The following WDR49 variants were observed in gnomAD, a reference collection of about 807,000 sequenced individuals.
The protein encoded by WDR49 is WD repeat domain 49.
In WDR49, 107 loss-of-function variants were observed where a neutral mutation model predicts 119.5. The observed-to-expected ratio is 0.90, with a 90% CI of 0.77 to 1.05. WDR49 has a LOEUF of 1.05. WDR49 is among the 50% of genes least tolerant of loss of function. The pLI is 0.00. For synonymous variants in WDR49, 425 were observed against 418.8 expected (o/e 1.01, Z -0.18); for missense variants, 1,240 against 1,220.5 (o/e 1.02, Z -0.24).
intron 3 of WDR49, 26 bp downstream of exon 3, chr3:167,626,826 T>G (rs1403181424): frequency 3.2e-5 from 39 of 1,233,354 alleles, no homozygotes; most frequent in Non-Finnish European, 3.7e-5. Context: ...TTACAAGCAG[T>G]ACATTTTTTT....
At chr3:167,605,486 A>G (rs538049334) in intron 5 of WDR49, among the ~76,000 whole-genome samples, 13 of 152,272 alleles carry the variant, frequency 8.5e-5, no homozygotes, top group African/African-American at 3.1e-4. Context: ...AAAGATAATA[A>G]GAAAAAAAAC....
At chr3:167,584,759 T>A (rs1714720402) in intron 7 of WDR49, among the ~76,000 whole-genome samples, 1 of 152,022 alleles carries the variant, frequency 6.6e-6, no homozygotes, top group Non-Finnish European at 1.5e-5. Context: ...ACCATAAAGT[T>A]AAATGCAAAA....
rs541075470 is a variant in WDR49, at chr3:167,648,920, G to T, written c.165+4341C>A. On this transcript the variant is annotated intron_variant, in intron 2 of 18. Transcript: ENST00000682715. ...AGATATTATATATTTTACACAGTTTGCATACACTATAAAAAATATTTTCTA... is the reference window on the plus strand; with the variant it reads ...AGATATTATATATTTTACACAGTTTTCATACACTATAAAAAATATTTTCTA... Among the ~76,000 whole-genome samples the T allele has an allele frequency of 3.3e-5, 5 of 152,234 alleles. No homozygotes were observed. In the East Asian group the frequency reaches 9.6e-4, roughly 29 times the overall value.
In WDR49 at chr3:167,536,942, A is replaced by G. The variant is rs778659484; in HGVS notation, c.1882T>C (p.Trp628Arg). The G allele has an allele frequency of 2.5e-5, 40 of 1,592,270 alleles. No individual in the cohort carries two copies. Among genetic ancestry groups the G allele is most frequent in the Non-Finnish European group, 3.0e-5 (35 of 1,170,012 alleles). The change falls in exon 11 of 19, where the codon TGG (tryptophan) becomes CGG (arginine). Residue 628 changes from tryptophan to arginine, a missense_variant. Coordinates refer to ENST00000682715, the MANE Select transcript of WDR49 (RefSeq NM_001366157.1). ...FNQFFIQPEE[W>R]KGGIQHHDDI... ...TCATGGTGCTGTATACCTCCTTTCC[A>G]TTCTTCAGGCTGGATGAAAAATTGA...
At chr3:167,587,360 C>G (rs146845118) in intron 7 of WDR49, among the ~76,000 whole-genome samples, 7 of 152,274 alleles carry the variant, frequency 4.6e-5, no homozygotes, top group African/African-American at 1.2e-4. Context: ...TTTTTTGATA[C>G]TTTAGACTCA....
intron 9 of WDR49, among the ~76,000 whole-genome samples, chr3:167,555,536 C>T (rs1712872085): frequency 6.6e-6 from 1 of 152,188 alleles, no homozygotes; most frequent in Admixed American, 6.5e-5. Context: ...ACAACATATG[C>T]TTGTGACTGG....
At chr3:167,522,254 A>G (rs1752477349) in intron 16 of WDR49, 61 bp downstream of exon 16, 1 of 1,464,232 alleles carries the variant, frequency 6.8e-7, no homozygotes, top group Non-Finnish European at 9.1e-7. Flanking sequence ...ATTTGGACCA[A>G]TCTTATCTAT....
chr3:167,589,663 G>C (rs80107323), intron 7 of WDR49, among the ~76,000 whole-genome samples: 2,233 of 151,904 alleles, frequency 0.015, 58 homozygotes, highest in African/African-American at 0.051. Flanking sequence ...TTTTGGTTAA[G>C]TTTATTCCTA....
At chr3:167,633,525 T>C (rs1438482337) in intron 2 of WDR49, 2 of 454,270 alleles carry the variant, frequency 4.4e-6, no homozygotes, top group Non-Finnish European at 8.8e-6. Flanking sequence ...GAGCCAAATA[T>C]CCCCATCCTG....
At chr3:167,498,236 A>G (rs920984136) in intron 18 of WDR49, among the ~76,000 whole-genome samples, 2 of 152,240 alleles carry the variant, frequency 1.3e-5, no homozygotes, top group African/African-American at 4.8e-5. Context: ...TTAGAGCTGT[A>G]GAGAAGTTTA....
intron 18 of WDR49, among the ~76,000 whole-genome samples, chr3:167,479,968 C>T (rs1047429858): frequency 1.2e-4 from 19 of 152,006 alleles, no homozygotes; most frequent in Admixed American, 3.3e-4. Flanking sequence ...CGGTGGCTCA[C>T]GCCTATAATC....
chr3:167,510,156 G>C (rs964596929), intron 16 of WDR49, among the ~76,000 whole-genome samples: 1 of 152,104 alleles, frequency 6.6e-6, no homozygotes, highest in Non-Finnish European at 1.5e-5. Context: ...AGGCCGAGGC[G>C]GGCAGATCAC....
intron 2 of WDR49, among the ~76,000 whole-genome samples, chr3:167,639,578 G>A (rs1311500916): frequency 2.0e-5 from 3 of 151,710 alleles, no homozygotes; most frequent in Non-Finnish European, 3.0e-5. Flanking sequence ...ATACTGTTTT[G>A]ATAAAAGCTA....
chr3:167,515,048 G>C (rs1424427274), intron 16 of WDR49, among the ~76,000 whole-genome samples: 1 of 152,046 alleles, frequency 6.6e-6, no homozygotes, highest in Non-Finnish European at 1.5e-5. Flanking sequence ...AATTCTACCA[G>C]AGATACAAAA....
chr3:167,493,881 T>G (rs1195377693), intron 18 of WDR49, among the ~76,000 whole-genome samples: 1 of 152,166 alleles, frequency 6.6e-6, no homozygotes, highest in Non-Finnish European at 1.5e-5. Context: ...ATTTTCTAAC[T>G]CTATCCCATC....
At chr3:167,505,190 T>C (rs1365897699) in intron 17 of WDR49, 117 bp downstream of exon 17, 3 of 1,226,974 alleles carry the variant, frequency 2.4e-6, no homozygotes, top group South Asian at 5.1e-5. Context: ...TCACAGAACA[T>C]TACATTCATG....
At chr3:167,527,675 G>A (rs1752684515) in intron 15 of WDR49, 145 bp downstream of exon 15, 9 of 798,276 alleles carry the variant, frequency 1.1e-5, no homozygotes, top group South Asian at 1.9e-5. Context: ...GGCAAGAGTC[G>A]CCTGGAGCTA....
intron 2 of WDR49, chr3:167,633,465 A>T (rs764420382): frequency 2.2e-6 from 1 of 456,284 alleles, no homozygotes; most frequent in East Asian, 7.0e-5. Context: ...CATCCATGTG[A>T]GTAATCCCAG....
chr3:167,616,428 A>T (rs1258970163), intron 5 of WDR49, among the ~76,000 whole-genome samples: 1 of 152,206 alleles, frequency 6.6e-6, no homozygotes, highest in Non-Finnish European at 1.5e-5. Context: ...GAGAAGAGAA[A>T]CAAATAAAGT....
Sources: allele counts gnomAD v4.1 joint callset (sites outside exome capture counted in the v4.1 genomes callset), GRCh38; gene constraint gnomAD v4.1.1; transcripts MANE v1.5; gene names NCBI Gene and HGNC (gene_info 2026-07-23, HGNC 2026-07-21).